Variants in BORA observed in about 807,000 individuals in gnomAD.
BORA encodes the protein protein aurora borealis.
Under a neutral mutation model 55.8 loss-of-function variants are expected in BORA, and 26 were observed. That is an observed-to-expected ratio of 0.47 (90% confidence interval 0.34 to 0.65). The LOEUF is 0.65. BORA is among the 30% of genes least tolerant of loss of function. BORA has a pLI of 0.01. For missense variants in BORA, 568 were observed against 671.5 expected (o/e 0.85, Z 1.70); for synonymous variants, 201 against 216.9 (o/e 0.93, Z 0.64).
At chr13:72,744,484 T>G (rs550691290) in intron 6 of BORA, 21 bp from the exon 7 acceptor site, 8 of 1,603,034 alleles carry the variant, frequency 5.0e-6, no homozygotes, top group Middle Eastern at 1.9e-4. Context: ...TGAATTTGTT[T>G]ATTTATTTGC....
At chr13:72,753,562 C>G in intron 10 of BORA, 128 bp from the exon 11 acceptor site, 1 of 973,302 alleles carries the variant, frequency 1.0e-6, no homozygotes, top group South Asian at 1.8e-5. Context: ...GAATTTTGTT[C>G]AACATGATCA....
chr13:72,728,315 C>T (rs972324364), intron 1 of BORA: 2 of 619,736 alleles, frequency 3.2e-6, no homozygotes, highest in Non-Finnish European at 2.9e-6. Context: ...CCTTTCTATC[C>T]CGGGAGGGGT....
At chr13:72,748,811 T>C (rs1243179338) in intron 10 of BORA, among the ~76,000 whole-genome samples, 3 of 152,174 alleles carry the variant, frequency 2.0e-5, no homozygotes, top group African/African-American at 7.2e-5. Flanking sequence ...ACCTTAATCA[T>C]CATCTAATCC....
intron 10 of BORA, chr13:72,752,325 G>T (rs1213528753): frequency 6.6e-6 from 1 of 152,284 alleles, no homozygotes; most frequent in South Asian, 2.1e-4. Context: ...GGATAACAAG[G>T]TATCTGTTGC....
At position 72,746,031 on chromosome 13, in the gene BORA, A is replaced by G. The variant is rs2033133278; in HGVS notation, c.826A>G (p.Thr276Ala). ...ITSPSPISSPTFSPIEFQIGE... is the reference protein window; with the variant it reads ...ITSPSPISSPAFSPIEFQIGE... ...TAGTCCTTCGCCTATTTCTTCACCC[A>G]CTTTCTCACCAATTGAATTTCAGAT... Residue 276 changes from threonine to alanine, a missense_variant, in exon 9 of 12, where the codon ACT (threonine) becomes GCT (alanine). Transcript: ENST00000390667. 1 of 1,612,612 alleles carries G rather than the reference A, an allele frequency of 6.2e-7. No individual in the cohort carries two copies. Among genetic ancestry groups the G allele is most frequent in the Non-Finnish European group, 8.5e-7 (1 of 1,178,762 alleles).
At position 72,728,952 on chromosome 13, in the gene BORA, C is replaced by T. The variant is rs752735560; in HGVS notation, c.12C>T (p.Val4=). MGD[V]KESKMQITPE... is the part of the protein sequence containing the mutation. ...TTTCTCTCTGTGCTATGGGAGATGT[C>T]AAGGAATCAAAGATGCAAATAACAC... The change falls in exon 2 of 12, where the codon GTC becomes GTT. Residue 4 remains valine (V), a synonymous_variant. Transcript: ENST00000390667. 6.3e-7 allele frequency: 1 copy of T among 1,597,320 alleles called. No homozygotes were observed.
At position 72,753,782 on chromosome 13, in the gene BORA, A is replaced by G. The variant is rs1258630081; in HGVS notation, c.1575A>G (p.Thr525=). The G allele has an allele frequency of 5.0e-6, 8 of 1,613,242 alleles. No homozygotes were observed. Among genetic ancestry groups the G allele is most frequent in the Non-Finnish European group, 6.8e-6 (8 of 1,179,434 alleles). The stretch of plus-strand genomic sequence containing the variant: ...ACTGCAAAGAAAGTGATGCACAAAC[A>G]TGTGAAGTTGAGAGTAAATCTCAAG... The part of the protein sequence containing the change: ...ESYCKESDAQ[T]CEVESKSQAF... The change falls in exon 11 of 12, where the codon ACA becomes ACG. Residue 525 remains threonine, a synonymous_variant. Coordinates refer to ENST00000390667, the MANE Select transcript of BORA (RefSeq NM_024808.5).
chr13:72,733,451 A>G (rs1423482211), intron 3 of BORA, among the ~76,000 whole-genome samples: 1 of 152,150 alleles, frequency 6.6e-6, no homozygotes, highest in Non-Finnish European at 1.5e-5. Flanking sequence ...CCCCTGTATG[A>G]CTTCTTAGAA....
intron 10 of BORA, among the ~76,000 whole-genome samples, chr13:72,750,646 A>G (rs1285348165): frequency 6.6e-6 from 1 of 152,166 alleles, no homozygotes; most frequent in Non-Finnish European, 1.5e-5. Flanking sequence ...AGATTTTTAA[A>G]AACTAGGAGT....
At chr13:72,739,707 G>A (rs537425352) in intron 5 of BORA, among the ~76,000 whole-genome samples, 4 of 152,146 alleles carry the variant, frequency 2.6e-5, no homozygotes, top group African/African-American at 9.6e-5. Flanking sequence ...CAGCCACCTG[G>A]GTATTTTAAT....
chr13:72,742,797 C>T (rs963373130), intron 5 of BORA, among the ~76,000 whole-genome samples: 1 of 132,354 alleles, frequency 7.6e-6, no homozygotes, highest in African/African-American at 3.9e-5. Flanking sequence ...CACACACACA[C>T]ACACACACAC....
intron 10 of BORA, chr13:72,752,470 T>C (rs2033302984): frequency 6.6e-6 from 1 of 152,222 alleles, no homozygotes; most frequent in Non-Finnish European, 1.5e-5. Context: ...CATGCCTTAC[T>C]TCCTGCTGTA....
In BORA at chr13:72,738,121, A is replaced by G. The variant is rs1032044251; in HGVS notation, c.388+78A>G. On this transcript the variant is annotated intron_variant, in intron 5 of 11. Transcript: ENST00000390667. ...AAGCAACATATCATGAAGTGCCAGT[A>G]TATCTGCTTTGTAAGAAGCTTGCTT... 13 of 959,580 alleles carry G rather than the reference A, an allele frequency of 1.4e-5. No homozygotes were observed. The Admixed American group carries it at 1.9e-4, about 14-fold the overall frequency. The allele number at this position is 959,580 out of a possible 1,614,324, so 59.4% of individuals were successfully genotyped here.
At chr13:72,737,135 G>C (rs1201612870) in intron 4 of BORA, among the ~76,000 whole-genome samples, 1 of 152,172 alleles carries the variant, frequency 6.6e-6, no homozygotes, top group African/African-American at 2.4e-5. Flanking sequence ...TGGTAGAAAT[G>C]AAAGAGGAAA....
chr13:72,736,737 A>G (rs1007158875), intron 4 of BORA, among the ~76,000 whole-genome samples: 6 of 152,154 alleles, frequency 3.9e-5, no homozygotes, highest in African/African-American at 2.4e-5. Context: ...AGATTTTACC[A>G]TATTGCCCTC....
chr13:72,752,815 A>AG (rs1324314152), intron 10 of BORA: 2 of 152,144 alleles, frequency 1.3e-5, no homozygotes, highest in Non-Finnish European at 2.9e-5. Context: ...TACCTTTGTG[A>AG]GGGAAACAAA....
In BORA at chr13:72,755,199, C is replaced by T. The variant is rs771459313; in HGVS notation, c.1663C>T (p.Gln555Ter). The T allele has an allele frequency of 6.2e-7, 1 of 1,613,384 alleles. No homozygotes were observed. The highest frequency in any genetic ancestry group is 2.2e-5 in the East Asian group (1 of 44,864). The change falls in exon 12 of 12, where the codon CAA (glutamine) becomes TAA (stop). Residue 555 changes from glutamine to a stop codon, truncating the protein, a stop_gained. Coordinates refer to ENST00000390667, the MANE Select transcript of BORA (RefSeq NM_024808.5). LOFTEE classifies it high-confidence loss of function. The stretch of plus-strand genomic sequence containing the variant: ...TTGGATGAAAACAGCAAGCCCTTTT[C>T]AATGCAGCAGTCCATAGAATGCCTC... ...RCWMKTASPF[Q>*]CSSP
intron 5 of BORA, among the ~76,000 whole-genome samples, chr13:72,741,601 T>C (rs2033034555): frequency 6.6e-6 from 1 of 152,232 alleles, no homozygotes; most frequent in Non-Finnish European, 1.5e-5. Flanking sequence ...GAAATTTTTA[T>C]TTTGGTGCAG....
chr13:72,740,226 T>C (rs2033009028), intron 5 of BORA, among the ~76,000 whole-genome samples: 1 of 152,202 alleles, frequency 6.6e-6, no homozygotes, highest in South Asian at 2.1e-4. Context: ...TTTCATGTCA[T>C]CTTCTTGGCA....
Sources: allele counts gnomAD v4.1 joint callset (sites outside exome capture counted in the v4.1 genomes callset), GRCh38; gene constraint gnomAD v4.1.1; transcripts MANE v1.5; gene names NCBI Gene and HGNC (gene_info 2026-07-23, HGNC 2026-07-21).